DNAJC1: variants seen among roughly 807,000 people sequenced by gnomAD.
DNAJC1 encodes the protein dnaJ homolog subfamily C member 1.
In DNAJC1, 58 loss-of-function variants were observed where a neutral mutation model predicts 76.6. That is an observed-to-expected ratio of 0.76 (90% CI 0.61 to 0.94). The LOEUF (loss-of-function observed/expected upper bound fraction) is 0.94. DNAJC1 is among the 40% of genes least tolerant of loss of function. DNAJC1 has a pLI of 0.00. For synonymous variants in DNAJC1, 258 were observed against 267.9 expected, an observed-to-expected ratio of 0.96 and a Z score of 0.36; for missense variants, 689 against 677.3, an observed-to-expected ratio of 1.02 and a Z score of -0.19.
At chr10:21,845,544 A>G (rs1457167729) in intron 8 of DNAJC1, among the ~76,000 whole-genome samples, 3 of 152,018 alleles carry the variant, frequency 2.0e-5, no homozygotes, top group East Asian at 3.9e-4. Context: ...TAATAGAGAC[A>G]GGGTTTCACC....
intron 8 of DNAJC1, among the ~76,000 whole-genome samples, chr10:21,856,109 C>T (rs1835829234): frequency 6.6e-6 from 1 of 152,122 alleles, no homozygotes; most frequent in South Asian, 2.1e-4. Context: ...GAATTTTATA[C>T]ATTCTCCTGA....
intron 1 of DNAJC1, among the ~76,000 whole-genome samples, chr10:21,986,089 T>C (rs1838242704): frequency 6.6e-6 from 1 of 151,976 alleles, no homozygotes; most frequent in East Asian, 1.9e-4. Context: ...TAGCCGGGTG[T>C]GGTGGCGGGT....
chr10:21,784,892 G>A (rs1366575613), intron 9 of DNAJC1, among the ~76,000 whole-genome samples: 1 of 151,778 alleles, frequency 6.6e-6, no homozygotes, highest in Non-Finnish European at 1.5e-5. Context: ...ACACACCGGG[G>A]CCTGTCATGG....
rs984826960 is a variant in DNAJC1 at position 21,887,694 on chromosome 10, T to C, written c.821-5255A>G. The stretch of plus-strand genomic sequence containing the variant: ...TAACTGGCTAGCCATATGCAGAAGA[T>C]TGAAACTGGACCCCTTCTTTACACC... On this transcript the variant is annotated intron_variant, in intron 7 of 11. Transcript: ENST00000376980. 5.3e-5 allele frequency among the ~76,000 whole-genome samples: 8 copies of C among 152,082 alleles called. 1 individual carries two copies. The highest frequency in any genetic ancestry group is 1.9e-4 in the African/African-American group (8 of 41,434).
rs61322581 is a variant in DNAJC1 at position 21,912,717 on chromosome 10, G to A, written c.729+6062C>T. 5.6e-3 allele frequency among the ~76,000 whole-genome samples: 858 copies of A among 152,200 alleles called. 6 individuals carry two copies. Among genetic ancestry groups the A allele is most frequent in the African/African-American group, 0.019 (797 of 41,514 alleles). ...TTTAACTCTAAGTAGAAGGGCAGGC[G>A]ACTCAGCTTGAAACAAATGCCTCAT... is the stretch of plus-strand genomic sequence containing the variant. On this transcript the variant is annotated intron_variant, in intron 6 of 11. Coordinates refer to ENST00000376980, the MANE Select transcript of DNAJC1 (RefSeq NM_022365.4).
chr10:21,811,119 T>C (rs1564794058), intron 8 of DNAJC1, among the ~76,000 whole-genome samples: 1 of 152,182 alleles, frequency 6.6e-6, no homozygotes, highest in Non-Finnish European at 1.5e-5. Context: ...GGAGATTCCT[T>C]TGATACACTC....
At chr10:21,958,451 C>G (rs1256470295) in intron 1 of DNAJC1, among the ~76,000 whole-genome samples, 1 of 147,076 alleles carries the variant, frequency 6.8e-6, no homozygotes, top group Non-Finnish European at 1.5e-5. Context: ...TTTTTTGAGA[C>G]GGAGTCTCGT....
chr10:22,003,350 TCCG>T lies in DNAJC1; in HGVS notation c.82_84del (p.Arg28del), dbSNP rs1270430903. On this transcript the variant is annotated inframe_deletion, in exon 1 of 12. Transcript: ENST00000376980. ...AGCAGCAGCAGCCACAGCAGCGGCG[TCCG>T]CGGCGGCGGCGGCGGGAACGGCACC... 7.0e-7 allele frequency: 1 copy of T among 1,434,116 alleles called. No homozygotes were observed. The highest frequency in any genetic ancestry group is 1.5e-5 in the South Asian group (1 of 66,232). 88.8% of individuals were successfully genotyped at this position (1,434,116 alleles called of 1,614,324 possible).
At chr10:21,978,761 A>G (rs1054721781) in intron 1 of DNAJC1, among the ~76,000 whole-genome samples, 3 of 152,088 alleles carry the variant, frequency 2.0e-5, no homozygotes, top group African/African-American at 7.2e-5. Flanking sequence ...CAAGAATCCT[A>G]AGGTAAAAAT....
At chr10:21,938,926 C>T (rs1235818799) in intron 1 of DNAJC1, among the ~76,000 whole-genome samples, 3 of 152,178 alleles carry the variant, frequency 2.0e-5, no homozygotes, top group Non-Finnish European at 4.4e-5. Context: ...GAGTCTCGCT[C>T]TGTGGCCAGG....
chr10:21,867,805 C>T lies in DNAJC1; in HGVS notation c.978+14477G>A, dbSNP rs1439093656. ...CTGGGTGACAGGCCGGGTGCCGTAG[C>T]TCACGTTTGTAATCCCAGCACTTTG... is the stretch of plus-strand genomic sequence containing the variant. On this transcript the variant is annotated intron_variant, in intron 8 of 11. Coordinates refer to ENST00000376980, the MANE Select transcript of DNAJC1 (RefSeq NM_022365.4). Among the ~76,000 whole-genome samples, 3 of 151,968 alleles carry T rather than the reference C, an allele frequency of 2.0e-5. No individual in the cohort carries two copies. In the East Asian group the frequency reaches 5.8e-4, roughly 29 times the overall value.
rs548608139 is a variant in DNAJC1, at chr10:21,775,243, G to A, written c.1099-8934C>T. ...CACAGTCGATTTTCCAATTCTGTGT[G>A]GTCCAATGATAATATTCAAGTTACT... On this transcript the variant is annotated intron_variant, in intron 9 of 11. Coordinates refer to ENST00000376980, the MANE Select transcript of DNAJC1 (RefSeq NM_022365.4). Among the ~76,000 whole-genome samples the A allele has an allele frequency of 2.7e-5, 4 of 150,812 alleles. No individual in the cohort carries two copies. In the South Asian group the frequency reaches 8.4e-4, roughly 32 times the overall value.
At position 21,805,864 on chromosome 10, in the gene DNAJC1, A is replaced by C; in HGVS notation, c.1098+116T>G. On this transcript the variant is annotated intron_variant, in intron 9 of 11. Coordinates refer to ENST00000376980, the MANE Select transcript of DNAJC1 (RefSeq NM_022365.4). ...TTAATGGTTCACTTTCAGGTCCTAA[A>C]AGGATTGTTGTATCCCCTCCCCAAA... 3 of 1,361,224 alleles carry C rather than the reference A, an allele frequency of 2.2e-6. No homozygotes were observed. In the South Asian group the frequency reaches 4.2e-5, roughly 19 times the overall value. 84.3% of individuals were successfully genotyped at this position (1,361,224 alleles called of 1,614,324 possible).
chr10:21,915,266 G>GA (rs1472347395), intron 6 of DNAJC1, among the ~76,000 whole-genome samples: 2 of 152,158 alleles, frequency 1.3e-5, no homozygotes, highest in Non-Finnish European at 1.5e-5. Flanking sequence ...TAATAAAAGC[G>GA]AACTTGGGAG....
chr10:21,931,284 C>A (rs1837217989), intron 1 of DNAJC1, among the ~76,000 whole-genome samples: 1 of 152,202 alleles, frequency 6.6e-6, no homozygotes, highest in South Asian at 2.1e-4. Context: ...CAGATACAGA[C>A]AGCTCTCTTC....
chr10:21,791,693 C>T (rs139019352), intron 9 of DNAJC1, among the ~76,000 whole-genome samples: 21 of 151,798 alleles, frequency 1.4e-4, no homozygotes, highest in Non-Finnish European at 2.4e-4. Flanking sequence ...TTGAAACAAA[C>T]GAAATTAAAA....
At chr10:21,804,937 G>C (rs1019504785) in intron 9 of DNAJC1, among the ~76,000 whole-genome samples, 19 of 152,060 alleles carry the variant, frequency 1.2e-4, no homozygotes, top group African/African-American at 4.6e-4. Context: ...CAACTTGAGC[G>C]CCAACGTGAC....
At chr10:21,969,513 T>G (rs1284477940) in intron 1 of DNAJC1, among the ~76,000 whole-genome samples, 3 of 152,208 alleles carry the variant, frequency 2.0e-5, no homozygotes, top group Non-Finnish European at 4.4e-5. Flanking sequence ...GTGATTCAAA[T>G]GAGTCGGACT....
At chr10:21,987,163 T>A (rs753495867) in intron 1 of DNAJC1, among the ~76,000 whole-genome samples, 2 of 152,198 alleles carry the variant, frequency 1.3e-5, no homozygotes, top group African/African-American at 4.8e-5. Flanking sequence ...AACAATAAAA[T>A]TATGTTTAAT....
Sources: allele counts gnomAD v4.1 joint callset (sites outside exome capture counted in the v4.1 genomes callset), GRCh38; gene constraint gnomAD v4.1.1; transcripts MANE v1.5; gene names NCBI Gene and HGNC (gene_info 2026-07-23, HGNC 2026-07-21).